Variants in PGM1 observed in about 807,000 individuals in gnomAD.
PGM1 encodes the protein phosphoglucomutase 1, also known as phosphoglucomutase-1.
PGM1 carries 52 observed loss-of-function variants against 55.6 expected under a neutral mutation model. The observed-to-expected ratio is 0.94, with a 90% CI of 0.75 to 1.18. The LOEUF is 1.18. Ranked by LOEUF, PGM1 falls within the 50% of genes most tolerant of loss-of-function variation. The pLI, the probability that PGM1 is intolerant of heterozygous loss-of-function variation, is 0.00. For synonymous variants in PGM1, 287 were observed against 271.7 expected (o/e 1.06, Z -0.55); for missense variants, 724 against 729.3 (o/e 0.99, Z 0.08).
Position 63,658,925 on chromosome 1 carries a change from A to G in PGM1, c.1600-661A>G, listed in dbSNP as rs551770784. On this transcript the variant is annotated intron_variant, in intron 10 of 10. Coordinates refer to ENST00000371084, the MANE Select transcript of PGM1 (RefSeq NM_002633.3). ...CAAGAAAGAGCAAGTCATGTCTTACATGAATGGCAGCAGGCAAAAGAGAGA... is the reference window on the plus strand; with the variant it reads ...CAAGAAAGAGCAAGTCATGTCTTACGTGAATGGCAGCAGGCAAAAGAGAGA... 2.6e-4 allele frequency among the ~76,000 whole-genome samples: 39 copies of G among 152,326 alleles called. 1 individual carries two copies. The South Asian group carries it at 5.6e-3, about 22-fold the overall frequency.
chr1:63,602,408 T>C lies in PGM1; in HGVS notation c.246+8674T>C, dbSNP rs554696854. Among the ~76,000 whole-genome samples the C allele has an allele frequency of 3.3e-5, 5 of 152,376 alleles. No homozygotes were observed. In the South Asian group the frequency reaches 1.0e-3, roughly 32 times the overall value. ...AAGGGCATGCAGGGAAGGTGAAATT[T>C]TGTTTTAATATCCATGTATACCATA... On this transcript the variant is annotated intron_variant, in intron 1 of 10. Coordinates refer to ENST00000371084, the MANE Select transcript of PGM1 (RefSeq NM_002633.3).
intron 1 of PGM1, among the ~76,000 whole-genome samples, chr1:63,607,239 G>A (rs1648446861): frequency 6.6e-6 from 1 of 152,190 alleles, no homozygotes. Context: ...GGCAGGGGAA[G>A]TTCCATTTAC....
chr1:63,649,289 G>T (rs1323308446), intron 8 of PGM1, among the ~76,000 whole-genome samples: 1 of 152,130 alleles, frequency 6.6e-6, no homozygotes, highest in African/African-American at 2.4e-5. Context: ...TTGGAATTCA[G>T]CAGTGAACAA....
rs752554415 is a variant in PGM1, at chr1:63,593,461, C to T, written c.-28C>T. On this transcript the variant is annotated 5_prime_UTR_variant, in exon 1 of 11. Transcript: ENST00000371084. ...GCCCCTCCGCCAGCCAAGTCCGCCG[C>T]TCTGACCCCCGGCAGCAAGTCGCCA... The T allele has an allele frequency of 5.0e-6, 8 of 1,613,056 alleles. 1 individual carries two copies. In the East Asian group the frequency reaches 1.1e-4, roughly 22 times the overall value.
intron 1 of PGM1, among the ~76,000 whole-genome samples, chr1:63,613,619 C>T (rs1648627002): frequency 1.3e-5 from 2 of 151,500 alleles, no homozygotes; most frequent in Non-Finnish European, 2.9e-5. Flanking sequence ...AGTATGCTCT[C>T]ATTGTAACTT....
intron 2 of PGM1, among the ~76,000 whole-genome samples, 169 bp from the exon 3 acceptor site, chr1:63,629,773 C>T (rs529730172): frequency 2.0e-5 from 3 of 152,206 alleles, no homozygotes; most frequent in Admixed American, 2.0e-4. Context: ...AAGAGCCATG[C>T]GCAAATCTTC....
chr1:63,633,948 T>TA (rs1557433861), intron 4 of PGM1, among the ~76,000 whole-genome samples: 1 of 112,806 alleles, frequency 8.9e-6, no homozygotes, highest in African/African-American at 3.6e-5. Context: ...TTTTTTTTTT[T>TA]TTTTTTTTTT....
rs1647933864 is a variant in PGM1 at position 63,593,630 on chromosome 1, G to A, written c.142G>A (p.Glu48Lys). 1 of 1,612,390 alleles carries A rather than the reference G, an allele frequency of 6.2e-7. No homozygotes were observed. The highest frequency in any genetic ancestry group is 8.5e-7 in the Non-Finnish European group (1 of 1,179,448). Reference protein sequence around the residue: ...NFIQSIISTVEPAQRQEATLV... With the variant: ...NFIQSIISTVKPAQRQEATLV... Reference sequence around the variant, plus strand: ...CATCCAGAGTATCATCTCCACCGTGGAGCCGGCGCAGCGGCAGGAGGCCAC... The same window carrying A: ...CATCCAGAGTATCATCTCCACCGTGAAGCCGGCGCAGCGGCAGGAGGCCAC... The change falls in exon 1 of 11, where the codon GAG (glutamate) becomes AAG (lysine). Residue 48 changes from glutamate (E) to lysine (K), a missense_variant. By Grantham distance (56) the Glu-to-Lys change is moderately conservative. Transcript: ENST00000371084.
intron 10 of PGM1, 124 bp from the exon 11 acceptor site, chr1:63,659,462 T>C (rs1215066900): frequency 3.9e-6 from 3 of 768,356 alleles, no homozygotes; most frequent in Non-Finnish European, 7.0e-6. Context: ...GTGTTTGTTT[T>C]TGGATTTGTG....
At chr1:63,616,073 C>T (rs1320389831) in intron 1 of PGM1, among the ~76,000 whole-genome samples, 1 of 152,112 alleles carries the variant, frequency 6.6e-6, no homozygotes, top group Non-Finnish European at 1.5e-5. Flanking sequence ...TTAACTGGTT[C>T]TCTTTTTACC....
intron 1 of PGM1, 184 bp downstream of exon 1, chr1:63,593,918 C>A: frequency 8.1e-7 from 1 of 1,242,114 alleles, no homozygotes; most frequent in Non-Finnish European, 1.0e-6. Context: ...GGTCGCCGGG[C>A]TGGGGAAAGT....
At chr1:63,633,930 ATAT>A (rs1649283741) in intron 4 of PGM1, among the ~76,000 whole-genome samples, 1 of 71,318 alleles carries the variant, frequency 1.4e-5, no homozygotes, top group African/African-American at 8.5e-5. Context: ...ATATATATAT[ATAT>A]TTTTTTTTTT....
At chr1:63,606,973 T>C (rs1648437005) in intron 1 of PGM1, among the ~76,000 whole-genome samples, 2 of 152,252 alleles carry the variant, frequency 1.3e-5, no homozygotes, top group Non-Finnish European at 2.9e-5. Context: ...TATTGAGGTA[T>C]GATTCACATA....
intron 1 of PGM1, chr1:63,623,519 T>C: frequency 6.2e-7 from 1 of 1,612,736 alleles, no homozygotes; most frequent in Non-Finnish European, 8.5e-7. Context: ...GAAGGTCCTC[T>C]CCCTCTGTTG....
intron 10 of PGM1, among the ~76,000 whole-genome samples, chr1:63,654,772 T>G (rs1380098098): frequency 2.0e-5 from 3 of 151,902 alleles, no homozygotes; most frequent in Non-Finnish European, 4.4e-5. Context: ...ATTAATTAAT[T>G]AATTAAAAAT....
intron 1 of PGM1, among the ~76,000 whole-genome samples, chr1:63,613,147 A>G (rs964524984): frequency 2.6e-5 from 4 of 150,974 alleles, no homozygotes; most frequent in African/African-American, 9.8e-5. Flanking sequence ...GAAACCAAAC[A>G]CTCTGAGGCA....
intron 1 of PGM1, among the ~76,000 whole-genome samples, chr1:63,626,628 A>C (rs527560573): frequency 2.7e-5 from 4 of 147,952 alleles, no homozygotes; most frequent in Non-Finnish European, 4.5e-5. Context: ...GAAAAAAAAA[A>C]TTATCCTATA....
chr1:63,648,699 CAG>C (rs1436390480), intron 8 of PGM1, 47 bp downstream of exon 8: 3 of 1,605,232 alleles, frequency 1.9e-6, no homozygotes, highest in African/African-American at 2.7e-5. Flanking sequence ...GGGAAGTGGG[CAG>C]AGAGAATTCT....
chr1:63,655,080 T>A (rs974708929), intron 10 of PGM1, among the ~76,000 whole-genome samples: 1 of 150,112 alleles, frequency 6.7e-6, no homozygotes, highest in African/African-American at 2.4e-5. Context: ...GCAATCCTCC[T>A]ACCTCAGCTA....
Sources: gnomAD v4.1 joint callset for allele counts (sites outside exome capture counted in the v4.1 genomes callset) on GRCh38, gnomAD v4.1.1 for gene constraint, MANE v1.5 for transcripts, NCBI Gene and HGNC (gene_info 2026-07-23, HGNC 2026-07-21) for gene names.